Variants in RANBP2 observed in about 807,000 individuals in gnomAD.
RANBP2 encodes the protein RAN binding protein 2, also known as E3 SUMO-protein ligase RanBP2.
In RANBP2, 57 loss-of-function variants were observed where a neutral mutation model predicts 303.6. The observed-to-expected ratio is 0.19, with a 90% CI of 0.15 to 0.23. RANBP2 has a LOEUF of 0.23. Ranked by LOEUF, RANBP2 falls within the 10% of genes least tolerant of loss-of-function variation. The pLI is 1.00. For synonymous variants in RANBP2, 1,167 were observed against 1,301.5 expected, an observed-to-expected ratio of 0.90 and a Z score of 2.23; for missense variants, 3,138 against 3,780.8, an observed-to-expected ratio of 0.83 and a Z score of 4.46.
At chr2:109,329,577 A>G in the RANBP2 span, among the ~76,000 whole-genome samples, 16 of 152,174 alleles carry the variant, frequency 1.1e-4, no homozygotes, top group Non-Finnish European at 4.4e-5. Context: ...CAAGTTTCAG[A>G]GGTGGAAGGC....
the RANBP2 span, among the ~76,000 whole-genome samples, chr2:109,239,536 C>T: frequency 5.3e-5 from 8 of 152,280 alleles, no homozygotes; most frequent in East Asian, 7.7e-4. Flanking sequence ...TTTGACTCTG[C>T]GGTCCGATGA....
At chr2:109,663,865 C>T in the RANBP2 span, among the ~76,000 whole-genome samples, 3 of 152,294 alleles carry the variant, frequency 2.0e-5, no homozygotes, top group African/African-American at 4.8e-5. Context: ...CCCGAAATAA[C>T]CCCTCCTCCA....
At chr2:109,066,252 G>A in the RANBP2 span, among the ~76,000 whole-genome samples, 1 of 152,092 alleles carries the variant, frequency 6.6e-6, no homozygotes, top group Non-Finnish European at 1.5e-5. Flanking sequence ...AGAATTACAG[G>A]TGTTTGCCAC....
chr2:108,942,526 C>A, the RANBP2 span, among the ~76,000 whole-genome samples: 1 of 152,264 alleles, frequency 6.6e-6, no homozygotes, highest in Non-Finnish European at 1.5e-5. Flanking sequence ...ACCACGGCGA[C>A]GGCAGGGGCC....
the RANBP2 span, among the ~76,000 whole-genome samples, chr2:109,394,918 G>A: frequency 2.0e-5 from 3 of 152,248 alleles, no homozygotes; most frequent in Non-Finnish European, 4.4e-5. Context: ...GTGCACGGGA[G>A]CCGCCGTCCC....
chr2:109,140,714 AT>A, the RANBP2 span, among the ~76,000 whole-genome samples: 3 of 152,032 alleles, frequency 2.0e-5, no homozygotes, highest in Non-Finnish European at 2.9e-5. Context: ...GGGAAATAGA[AT>A]TTTTTCCCTT....
chr2:109,386,910 G>A, the RANBP2 span, among the ~76,000 whole-genome samples: 1 of 152,130 alleles, frequency 6.6e-6, no homozygotes, highest in Non-Finnish European at 1.5e-5. Context: ...CAGCTCAGGA[G>A]GTCTCCCCAT....
the RANBP2 span, among the ~76,000 whole-genome samples, chr2:109,477,646 G>C: frequency 6.6e-6 from 1 of 151,822 alleles, no homozygotes; most frequent in Non-Finnish European, 1.5e-5. Flanking sequence ...GTGTGTGTTG[G>C]TGAGGGGTGT....
At chr2:109,259,080 C>A in the RANBP2 span, among the ~76,000 whole-genome samples, 1 of 152,262 alleles carries the variant, frequency 6.6e-6, no homozygotes, top group East Asian at 1.9e-4. Flanking sequence ...CATTTGGCTT[C>A]ATCAGAGAGT....
chr2:109,206,532 A>C, the RANBP2 span, among the ~76,000 whole-genome samples: 1 of 138,874 alleles, frequency 7.2e-6, no homozygotes, highest in Non-Finnish European at 1.5e-5. Context: ...GAGGAGGCTG[A>C]GTGTGGTGGC....
the RANBP2 span, among the ~76,000 whole-genome samples, chr2:108,844,806 GGC>G: frequency 8.7e-5 from 13 of 149,358 alleles, no homozygotes; most frequent in South Asian, 2.5e-3. Context: ...GGAGAGCAGT[GGC>G]ACGATCTCGG....
At chr2:109,245,019 G>A in the RANBP2 span, among the ~76,000 whole-genome samples, 1 of 152,190 alleles carries the variant, frequency 6.6e-6, no homozygotes, top group Non-Finnish European at 1.5e-5. Flanking sequence ...GTTGTTGGAT[G>A]GCGTCCCCTT....
chr2:109,425,891 T>C, the RANBP2 span, among the ~76,000 whole-genome samples: 6 of 152,136 alleles, frequency 3.9e-5, no homozygotes, highest in Non-Finnish European at 8.8e-5. Flanking sequence ...TCTTTTTCTT[T>C]CTTTCTTTCT....
the RANBP2 span, chr2:109,667,049 T>G: frequency 1.8e-6 from 1 of 569,268 alleles, no homozygotes; most frequent in East Asian, 3.8e-5. Flanking sequence ...GAAAAGTCAA[T>G]CCAGTGAGAA....
the RANBP2 span, among the ~76,000 whole-genome samples, chr2:108,854,574 A>T: frequency 1.3e-5 from 2 of 152,202 alleles, no homozygotes; most frequent in African/African-American, 4.8e-5. Context: ...GTTAGACTAC[A>T]TTAGTTGTTT....
At chr2:109,329,465 G>A in the RANBP2 span, among the ~76,000 whole-genome samples, 1 of 152,206 alleles carries the variant, frequency 6.6e-6, no homozygotes, top group African/African-American at 2.4e-5. Flanking sequence ...GGTTCCAGAG[G>A]CCATGGCTGG....
the RANBP2 span, among the ~76,000 whole-genome samples, chr2:108,967,036 G>A: frequency 6.6e-6 from 1 of 152,220 alleles, no homozygotes; most frequent in African/African-American, 2.4e-5. Context: ...CCAGGTTCAA[G>A]CAATTCTTCT....
chr2:109,117,440 G>C, the RANBP2 span, among the ~76,000 whole-genome samples: 5 of 152,248 alleles, frequency 3.3e-5, no homozygotes, highest in African/African-American at 1.2e-4. Context: ...CTCCGAGCTA[G>C]GTGCAGGATA....
the RANBP2 span, among the ~76,000 whole-genome samples, chr2:109,717,741 C>T: frequency 6.6e-6 from 1 of 151,802 alleles, no homozygotes. Context: ...TGGTGAAACC[C>T]CATCTCTACT....
Sources: gnomAD v4.1 joint callset for allele counts (sites outside exome capture counted in the v4.1 genomes callset) on GRCh38, gnomAD v4.1.1 for gene constraint, MANE v1.5 for transcripts, NCBI Gene and HGNC (gene_info 2026-07-23, HGNC 2026-07-21) for gene names.